PCDH15: variants seen among roughly 807,000 people sequenced by gnomAD.
PCDH15 encodes the protein protocadherin related 15, also known as protocadherin-15.
A neutral mutation model predicts 178.5 loss-of-function variants in PCDH15; 129 were observed. That is an observed-to-expected ratio of 0.72 (90% confidence interval 0.63 to 0.84). The LOEUF is 0.84. Ranked by LOEUF, PCDH15 falls within the 40% of genes least tolerant of loss-of-function variation. PCDH15 has a pLI of 0.00. For missense variants in PCDH15, 2,230 were observed against 2,099.9 expected (o/e 1.06, Z -1.21); for synonymous variants, 800 against 732.0 (o/e 1.09, Z -1.50).
At position 55,521,359 on chromosome 10, in the gene PCDH15, G is replaced by T. The variant is rs1347066241; in HGVS notation, c.-156+106266C>A. ...CATCATAAATCAAAAGTATTTTAAA[G>T]TCAGAAATGCATTTAATACTGGCAG... On this transcript the variant is annotated intron_variant, in intron 2 of 5. Transcript: ENST00000613346. Among the ~76,000 whole-genome samples the T allele has an allele frequency of 4.6e-5, 7 of 151,674 alleles. No homozygotes were observed. The East Asian group carries it at 9.7e-4, about 21-fold the overall frequency.
chr10:54,097,384 C>T (rs529991084), intron 15 of PCDH15, among the ~76,000 whole-genome samples: 2 of 152,272 alleles, frequency 1.3e-5, no homozygotes, highest in South Asian at 2.1e-4. Context: ...CTTACCTTTG[C>T]ACCTGAAATA....
At chr10:55,053,496 T>C (rs1828676290) in intron 2 of PCDH15, among the ~76,000 whole-genome samples, 1 of 152,220 alleles carries the variant, frequency 6.6e-6, no homozygotes, top group Admixed American at 6.5e-5. Flanking sequence ...AGTGTCTTTA[T>C]TAAGAGAAGA....
At chr10:54,394,457 C>A (rs1179525757) in intron 3 of PCDH15, among the ~76,000 whole-genome samples, 3 of 152,034 alleles carry the variant, frequency 2.0e-5, no homozygotes, top group Non-Finnish European at 4.4e-5. Flanking sequence ...CCACAAAAAC[C>A]AGCAAGTTTT....
At chr10:54,863,248 T>C (rs1953877166) in intron 3 of PCDH15, among the ~76,000 whole-genome samples, 1 of 152,264 alleles carries the variant, frequency 6.6e-6, no homozygotes, top group African/African-American at 2.4e-5. Flanking sequence ...TCTATAAAAA[T>C]ATATTTGACT....
At chr10:55,385,873 G>C (rs1315927904) in intron 2 of PCDH15, among the ~76,000 whole-genome samples, 1 of 150,088 alleles carries the variant, frequency 6.7e-6, no homozygotes, top group Non-Finnish European at 1.5e-5. Flanking sequence ...ATGCGCACAT[G>C]TATCTATTTA....
intron 1 of PCDH15, among the ~76,000 whole-genome samples, chr10:54,754,835 CAT>C (rs762271301): frequency 6.6e-6 from 1 of 151,672 alleles, no homozygotes; most frequent in Non-Finnish European, 1.5e-5. Context: ...ACACAAGTCG[CAT>C]ATGTGTTCTT....
At chr10:55,458,760 G>C (rs567540779) in intron 2 of PCDH15, among the ~76,000 whole-genome samples, 23 of 152,124 alleles carry the variant, frequency 1.5e-4, no homozygotes, top group African/African-American at 5.3e-4. Context: ...TTCCTTTGCA[G>C]ATAAAATTCT....
chr10:54,818,961 G>A (rs1952991996), intron 3 of PCDH15, among the ~76,000 whole-genome samples: 1 of 151,716 alleles, frequency 6.6e-6, no homozygotes, highest in Non-Finnish European at 1.5e-5. Flanking sequence ...GCGTCATTTT[G>A]TTGTGCAGAC....
At chr10:55,459,604 G>A (rs1435249765) in intron 2 of PCDH15, among the ~76,000 whole-genome samples, 2 of 152,084 alleles carry the variant, frequency 1.3e-5, no homozygotes, top group East Asian at 3.9e-4. Context: ...AAATGATTAA[G>A]CAATGAAAAA....
At chr10:54,925,067 TTA>T (rs551782174) in intron 2 of PCDH15, among the ~76,000 whole-genome samples, 74 of 152,338 alleles carry the variant, frequency 4.9e-4, no homozygotes, top group African/African-American at 1.7e-3. Flanking sequence ...CTAGGCTTTT[TTA>T]TAGTTTTGGG....
intron 1 of PCDH15, among the ~76,000 whole-genome samples, chr10:54,692,146 A>G (rs1049433889): frequency 2.0e-5 from 3 of 152,130 alleles, no homozygotes; most frequent in Non-Finnish European, 4.4e-5. Context: ...TCTATTTATT[A>G]TATTATTATA....
intron 2 of PCDH15, among the ~76,000 whole-genome samples, chr10:54,575,513 G>A (rs7086121): frequency 0.94 from 142,456 of 152,184 alleles, 66,949 homozygotes; most frequent in Middle Eastern, 0.98. Context: ...GATGTTGGTA[G>A]CAGGGTTTAA....
At chr10:54,010,194 G>A (rs554123887) in intron 20 of PCDH15, among the ~76,000 whole-genome samples, 12 of 152,138 alleles carry the variant, frequency 7.9e-5, no homozygotes, top group African/African-American at 2.9e-4. Flanking sequence ...GCTTGGGAGG[G>A]ACAGGGATTA....
chr10:54,745,884 C>T (rs1488095071), intron 1 of PCDH15, among the ~76,000 whole-genome samples: 2 of 152,026 alleles, frequency 1.3e-5, no homozygotes, highest in South Asian at 4.1e-4. Context: ...AAAGAATATA[C>T]TTTTATTAGA....
intron 26 of PCDH15, among the ~76,000 whole-genome samples, chr10:53,869,657 A>G (rs982771172): frequency 6.6e-6 from 1 of 152,136 alleles, no homozygotes; most frequent in South Asian, 2.1e-4. Context: ...AAGAAACAAA[A>G]CAAGCCAGGC....
At chr10:53,812,941 T>C (rs1012194887) in intron 35 of PCDH15, among the ~76,000 whole-genome samples, 7 of 152,138 alleles carry the variant, frequency 4.6e-5, no homozygotes, top group African/African-American at 1.7e-4. Context: ...ATTTGCGAAG[T>C]GTGGAAATTT....
At chr10:54,973,604 T>C (rs1398912898) in intron 2 of PCDH15, among the ~76,000 whole-genome samples, 1 of 152,198 alleles carries the variant, frequency 6.6e-6, no homozygotes, top group Non-Finnish European at 1.5e-5. Flanking sequence ...CAAGGGTGAC[T>C]GATCAAGCTT....
intron 2 of PCDH15, among the ~76,000 whole-genome samples, chr10:55,346,743 T>C (rs1375970603): frequency 6.6e-6 from 1 of 151,910 alleles, no homozygotes; most frequent in African/African-American, 2.4e-5. Context: ...TAGTTTAAGA[T>C]AGTCTAAATA....
chr10:54,654,344 A>C (rs1023745899), intron 2 of PCDH15, among the ~76,000 whole-genome samples: 1 of 151,950 alleles, frequency 6.6e-6, no homozygotes, highest in African/African-American at 2.4e-5. Context: ...AAAATCAGAC[A>C]AAAGTAAAAA....
Sources: allele counts gnomAD v4.1 joint callset (sites outside exome capture counted in the v4.1 genomes callset), GRCh38; gene constraint gnomAD v4.1.1; transcripts MANE v1.5; gene names NCBI Gene and HGNC (gene_info 2026-07-23, HGNC 2026-07-21).